Variants in CCDC33 observed in about 807,000 individuals in gnomAD.
CCDC33 encodes coiled-coil domain-containing protein 33.
CCDC33 carries 94 observed loss-of-function variants against 91.9 expected under a neutral mutation model. That is an observed-to-expected ratio of 1.02 (90% CI 0.87 to 1.21). The LOEUF is 1.21. Among genes scored for constraint, CCDC33 ranks in the 50% most tolerant of loss-of-function variants. The pLI, the probability that CCDC33 is intolerant of heterozygous loss-of-function variation, is 0.00. For missense variants in CCDC33, 940 were observed against 935.5 expected (o/e 1.00, Z -0.06); for synonymous variants, 396 against 374.5 (o/e 1.06, Z -0.66).
rs756615159 is a variant in CCDC33 at position 74,330,986 on chromosome 15, T to A, written c.1551T>A (p.Asn517Lys). 3.2e-6 allele frequency: 5 copies of A among 1,585,118 alleles called. No individual in the cohort carries two copies. The highest frequency in any genetic ancestry group is 4.3e-6 in the Non-Finnish European group (5 of 1,165,024). ...QHLQNELIRK[N>K]DREKELLLLY... ...TCTCCTCCCCCATCTCACAGAAGAATGATCGAGAGAAGGAGCTGCTCCTTC... is the reference window on the plus strand; with the variant it reads ...TCTCCTCCCCCATCTCACAGAAGAAAGATCGAGAGAAGGAGCTGCTCCTTC... The change falls in exon 14 of 19, where the codon AAT (asparagine) becomes AAA (lysine). Residue 517 changes from asparagine to lysine, a missense_variant. Physicochemically the swap from Asn to Lys is moderately conservative, Grantham distance 94. Transcript: ENST00000398814.
chr15:74,268,410 G>T lies in CCDC33; in HGVS notation c.498G>T (p.Lys166Asn), dbSNP rs2076225811. 1.2e-6 allele frequency: 2 copies of T among 1,606,148 alleles called. No individual in the cohort carries two copies. Among genetic ancestry groups the T allele is most frequent in the South Asian group, 1.1e-5 (1 of 90,880 alleles). Residue 166 changes from lysine to asparagine, a missense_variant, in exon 5 of 19, where the codon AAG becomes AAT. Coordinates refer to ENST00000398814, the MANE Select transcript of CCDC33 (RefSeq NM_025055.5). ...AGTTGTACGCAACAGTCGTTCGGAAGAGCAGCTTCATACCCCGCTACATCG... is the reference window on the plus strand; with the variant it reads ...AGTTGTACGCAACAGTCGTTCGGAATAGCAGCTTCATACCCCGCTACATCG... The part of the protein sequence containing the change: ...KTQLYATVVR[K>N]SSFIPRYIGC...
At chr15:74,225,112 G>A (rs2074746563) in intron 2 of CCDC33, among the ~76,000 whole-genome samples, 1 of 144,302 alleles carries the variant, frequency 6.9e-6, no homozygotes, top group Admixed American at 7.0e-5. Flanking sequence ...CACACCTCCT[G>A]GAGGCGTGTG....
chr15:74,312,503 G>A (rs180893771), intron 11 of CCDC33, among the ~76,000 whole-genome samples: 4 of 152,286 alleles, frequency 2.6e-5, no homozygotes, highest in Admixed American at 1.3e-4. Flanking sequence ...GTAAGTGCTC[G>A]TTACAGCTTC....
intron 7 of CCDC33, among the ~76,000 whole-genome samples, chr15:74,279,616 A>T (rs2076537096): frequency 6.6e-6 from 1 of 151,896 alleles, no homozygotes; most frequent in African/African-American, 2.4e-5. Context: ...TCTCAGGGCA[A>T]CCTCTGCCCC....
At chr15:74,204,467 A>G (rs1405155154) in intron 1 of CCDC33, among the ~76,000 whole-genome samples, 2 of 152,230 alleles carry the variant, frequency 1.3e-5, no homozygotes, top group Non-Finnish European at 2.9e-5. Context: ...CCCACACCAG[A>G]GGCCAGCAAG....
chr15:74,294,754 A>AG (rs994019540), intron 10 of CCDC33, among the ~76,000 whole-genome samples: 1 of 151,808 alleles, frequency 6.6e-6, no homozygotes, highest in Admixed American at 6.6e-5. Flanking sequence ...CTCAAAAAAA[A>AG]AAAAAAGAAA....
intron 10 of CCDC33, among the ~76,000 whole-genome samples, chr15:74,285,734 G>T (rs351202): frequency 1.3e-5 from 2 of 151,946 alleles, no homozygotes; most frequent in Non-Finnish European, 2.9e-5. Context: ...TGATGGGTTC[G>T]TTTTTCACCC....
At chr15:74,328,510 G>A (rs1453922301) in intron 11 of CCDC33, among the ~76,000 whole-genome samples, 1 of 152,236 alleles carries the variant, frequency 6.6e-6, no homozygotes, top group Non-Finnish European at 1.5e-5. Flanking sequence ...CCCTGTGTGT[G>A]TGTGGTCTCT....
chr15:74,333,944 C>T lies in CCDC33; in HGVS notation c.2002C>T (p.Arg668Trp), dbSNP rs768822161. ...LLAKLEHAQS[R>W]ILSLESQLED... ...GGCCAAGCTGGAACACGCTCAGAGC[C>T]GGATCCTGTCCCTGGAAAGCCAGGT... The change falls in exon 17 of 19, where the codon CGG (arginine) becomes TGG (tryptophan). Residue 668 changes from arginine to tryptophan, a missense_variant. By Grantham distance (101) the Arg-to-Trp change is moderately radical. Transcript: ENST00000398814. The T allele has an allele frequency of 2.4e-5, 39 of 1,613,426 alleles. No individual in the cohort carries two copies. The Admixed American group carries it at 4.3e-4, about 18-fold the overall frequency.
At chr15:74,268,499 G>T in intron 5 of CCDC33, 41 bp downstream of exon 5, 67 of 1,236,234 alleles carry the variant, frequency 5.4e-5, no homozygotes, top group East Asian at 1.1e-4. Context: ...GTGGGGGTGG[G>T]AAAGGGCCAA....
intron 3 of CCDC33, among the ~76,000 whole-genome samples, chr15:74,262,834 C>T (rs892196340): frequency 3.9e-5 from 6 of 152,186 alleles, no homozygotes; most frequent in African/African-American, 1.4e-4. Context: ...TTATTATTTT[C>T]ATGGCTGTTA....
chr15:74,260,937 A>G (rs760452222), intron 2 of CCDC33, among the ~76,000 whole-genome samples: 8 of 152,198 alleles, frequency 5.3e-5, no homozygotes, highest in Non-Finnish European at 7.3e-5. Context: ...GGCACTACAC[A>G]TATTCATTCG....
chr15:74,281,955 G>A (rs1266742374), intron 10 of CCDC33, 106 bp downstream of exon 10: 11 of 936,410 alleles, frequency 1.2e-5, no homozygotes, highest in Non-Finnish European at 1.8e-5. Flanking sequence ...GGGAGGATGG[G>A]ACTACTACTT....
At chr15:74,227,278 G>C (rs2142180195) in intron 2 of CCDC33, among the ~76,000 whole-genome samples, 1 of 152,320 alleles carries the variant, frequency 6.6e-6, no homozygotes. Flanking sequence ...CAGCACACAG[G>C]TGGGAATGAC....
intron 7 of CCDC33, among the ~76,000 whole-genome samples, chr15:74,275,410 G>A (rs1341851321): frequency 2.0e-5 from 3 of 152,226 alleles, no homozygotes; most frequent in Non-Finnish European, 4.4e-5. Context: ...TCTGAGGCCA[G>A]CCTCACCACT....
At position 74,276,958 on chromosome 15, in the gene CCDC33, C is replaced by G. The variant is rs184514369; in HGVS notation, c.760-3005C>G. Among the ~76,000 whole-genome samples the G allele has an allele frequency of 6.3e-3, 957 of 152,172 alleles. 8 individuals are homozygous for G. The highest frequency in any genetic ancestry group is 0.022 in the African/African-American group (908 of 41,510). On this transcript the variant is annotated intron_variant, in intron 7 of 18. Coordinates refer to ENST00000398814, the MANE Select transcript of CCDC33 (RefSeq NM_025055.5). Reference sequence around the variant, plus strand: ...TACATGTTTGTGTGTGTGTGTCTGTCTGTCTGTCTGTCTGTCTGTCCCCTA... The same window carrying G: ...TACATGTTTGTGTGTGTGTGTCTGTGTGTCTGTCTGTCTGTCTGTCCCCTA...
At chr15:74,283,740 G>A (rs1401379183) in intron 10 of CCDC33, among the ~76,000 whole-genome samples, 4 of 151,046 alleles carry the variant, frequency 2.6e-5, no homozygotes, top group African/African-American at 9.8e-5. Flanking sequence ...ATCAGGATTG[G>A]GTGTGTACCA....
Position 74,272,771 on chromosome 15 carries a change from G to A in CCDC33, c.639G>A (p.Lys213=), listed in dbSNP as rs376212982. The part of the protein sequence containing the change: ...ARVVPNYKEF[K]VSQANRDLAS... ...TGACCCTGTCTCCCTGCCTCCCCAG[G>A]GTCAGCCAGGCTAACAGGGACCTGG... Residue 213 remains lysine (K), a splice_region_variant and synonymous_variant, in exon 7 of 19, where the codon AAG becomes AAA. Coordinates refer to ENST00000398814, the MANE Select transcript of CCDC33 (RefSeq NM_025055.5). 1.2e-6 allele frequency: 2 copies of A among 1,613,836 alleles called. No individual in the cohort carries two copies. Among genetic ancestry groups the A allele is most frequent in the Non-Finnish European group, 8.5e-7 (1 of 1,179,988 alleles).
At chr15:74,216,870 A>T (rs2074460552), upstream of CCDC33, among the ~76,000 whole-genome samples, 1 of 151,630 alleles carries the variant, frequency 6.6e-6, no homozygotes, top group Non-Finnish European at 1.5e-5. Context: ...ATAGAACTTA[A>T]CATCTTCTAG....
Sources: allele counts gnomAD v4.1 joint callset (sites outside exome capture counted in the v4.1 genomes callset), GRCh38; gene constraint gnomAD v4.1.1; transcripts MANE v1.5; gene names NCBI Gene and HGNC (gene_info 2026-07-23, HGNC 2026-07-21).